Variants in FBN1 observed in about 807,000 individuals in gnomAD.
FBN1 encodes the protein fibrillin-1.
Under a neutral mutation model 365.1 loss-of-function variants are expected in FBN1, and 29 were observed. The observed-to-expected ratio is 0.08, with a 90% CI of 0.06 to 0.11. The LOEUF (loss-of-function observed/expected upper bound fraction) is 0.11. Among genes scored for constraint, FBN1 ranks in the 10% least tolerant of loss-of-function variants. The pLI, the probability that FBN1 is intolerant of heterozygous loss-of-function variation, is 1.00. For missense variants in FBN1, 2,476 were observed against 3,703.2 expected, an observed-to-expected ratio of 0.67 and a Z score of 8.60; for synonymous variants, 1,210 against 1,270.5, an observed-to-expected ratio of 0.95 and a Z score of 1.01.
intron 43 of FBN1, 78 bp from the exon 44 acceptor site, chr15:48,456,840 G>A (rs1484700714): frequency 4.6e-6 from 6 of 1,312,678 alleles, no homozygotes; most frequent in African/African-American, 1.8e-5. Flanking sequence ...TGGAAAGTGC[G>A]TGCGTGTGTG....
intron 8 of FBN1, among the ~76,000 whole-genome samples, chr15:48,526,654 G>A (rs1056674936): frequency 6.6e-6 from 1 of 151,824 alleles, no homozygotes; most frequent in Non-Finnish European, 1.5e-5. Context: ...CACTTCTTGC[G>A]CTGCTTTTCA....
At position 48,409,916 on chromosome 15, in the gene FBN1, G is replaced by C. The variant is rs184921031; in HGVS notation, c.*1074C>G. ...CTTTCAATGGATAAAACAAGGGATC[G>C]ACTCATATGTTAAATTTTCTTCTAG... On this transcript the variant is annotated 3_prime_UTR_variant, in exon 66 of 66. Coordinates refer to ENST00000316623, the MANE Select transcript of FBN1 (RefSeq NM_000138.5). The C allele has an allele frequency of 6.6e-6, 1 of 152,302 alleles. No individual in the cohort carries two copies. Among genetic ancestry groups the C allele is most frequent in the Admixed American group, 6.5e-5 (1 of 15,286 alleles). The allele number at this position is 152,302 out of a possible 1,614,324, so 9.4% of individuals were successfully genotyped here.
At position 48,430,817 on chromosome 15, in the gene FBN1, C is replaced by CAAAA; in HGVS notation, c.6740-16_6740-15insTTTT. ...CTCATCCTCATCTGTAAAAAATGTACAATCACAAATTTGTCAAAGAAAATG... is the reference window on the plus strand; with the variant it reads ...CTCATCCTCATCTGTAAAAAATGTACAAAAAATCACAAATTTGTCAAAGAAAATG... On this transcript the variant is annotated splice_polypyrimidine_tract_variant and intron_variant, in intron 55 of 65. Coordinates refer to ENST00000316623, the MANE Select transcript of FBN1 (RefSeq NM_000138.5). 1.2e-6 allele frequency: 2 copies of CAAAA among 1,612,794 alleles called. No individual in the cohort carries two copies. Among genetic ancestry groups the CAAAA allele is most frequent in the Non-Finnish European group, 1.7e-6 (2 of 1,179,434 alleles).
intron 4 of FBN1, among the ~76,000 whole-genome samples, chr15:48,601,872 TG>T (rs1196223444): frequency 6.6e-6 from 1 of 152,228 alleles, no homozygotes; most frequent in Non-Finnish European, 1.5e-5. Flanking sequence ...CTGTTTCTAC[TG>T]AACTAGAGCC....
intron 3 of FBN1, among the ~76,000 whole-genome samples, chr15:48,611,554 C>G (rs2044656283): frequency 6.6e-6 from 1 of 152,186 alleles, no homozygotes; most frequent in South Asian, 2.1e-4. Flanking sequence ...ACCACCGCGT[C>G]CAGCCTATTG....
chr15:48,491,453 C>A (rs2043557761), intron 24 of FBN1, among the ~76,000 whole-genome samples: 1 of 151,998 alleles, frequency 6.6e-6, no homozygotes, highest in Non-Finnish European at 1.5e-5. Flanking sequence ...CGGGTTCATG[C>A]CATTCTCCTG....
At chr15:48,533,227 G>A (rs1296259440) in intron 8 of FBN1, among the ~76,000 whole-genome samples, 1 of 152,164 alleles carries the variant, frequency 6.6e-6, no homozygotes, top group African/African-American at 2.4e-5. Context: ...CTCAAGGTGG[G>A]GTGAGTTGAG....
intron 10 of FBN1, among the ~76,000 whole-genome samples, chr15:48,517,345 CAA>C (rs1486445157): frequency 1.3e-5 from 2 of 152,030 alleles, no homozygotes; most frequent in Non-Finnish European, 2.9e-5. Context: ...GAAGGGAGTG[CAA>C]AGACAGAACC....
intron 9 of FBN1, among the ~76,000 whole-genome samples, chr15:48,525,516 G>A (rs915694281): frequency 2.0e-5 from 3 of 152,194 alleles, no homozygotes; most frequent in Admixed American, 2.0e-4. Context: ...GGGGACAAGA[G>A]CCCTTTCCAC....
intron 4 of FBN1, among the ~76,000 whole-genome samples, chr15:48,603,176 G>A (rs1207094831): frequency 6.6e-6 from 1 of 152,144 alleles, no homozygotes; most frequent in East Asian, 1.9e-4. Flanking sequence ...TTTTTACCCT[G>A]TCTTTCAGGC....
At chr15:48,502,179 C>A (rs61048588) in intron 17 of FBN1, among the ~76,000 whole-genome samples, 1,881 of 152,228 alleles carry the variant, frequency 0.012, 40 homozygotes, top group African/African-American at 0.043. Flanking sequence ...TAGGCGCGCA[C>A]CACCACGCAT....
intron 6 of FBN1, among the ~76,000 whole-genome samples, chr15:48,574,797 A>G (rs1199389852): frequency 6.6e-6 from 1 of 152,206 alleles, no homozygotes; most frequent in African/African-American, 2.4e-5. Flanking sequence ...GGAGGCTTCC[A>G]TTTGGAAACT....
At chr15:48,499,109 C>G in intron 17 of FBN1, 71 bp from the exon 18 acceptor site, 1 of 1,470,298 alleles carries the variant, frequency 6.8e-7, no homozygotes, top group Non-Finnish European at 9.5e-7. Flanking sequence ...CTTGGTTTTG[C>G]ACACATCATT....
intron 8 of FBN1, among the ~76,000 whole-genome samples, chr15:48,526,975 C>T (rs1257921102): frequency 6.6e-6 from 1 of 152,226 alleles, no homozygotes; most frequent in East Asian, 1.9e-4. Flanking sequence ...AGGCACCCGA[C>T]ACCCAATAAG....
intron 6 of FBN1, among the ~76,000 whole-genome samples, chr15:48,547,050 T>C (rs2044099202): frequency 6.6e-6 from 1 of 152,102 alleles, no homozygotes; most frequent in African/African-American, 2.4e-5. Flanking sequence ...TGTCCCTAAA[T>C]AAAATCATAT....
chr15:48,512,031 C>T (rs1026858076), intron 13 of FBN1, among the ~76,000 whole-genome samples: 8 of 152,182 alleles, frequency 5.3e-5, no homozygotes, highest in Non-Finnish European at 1.2e-4. Flanking sequence ...CGTGTTCAAC[C>T]TATCCATATT....
At chr15:48,549,270 G>A (rs2044122737) in intron 6 of FBN1, among the ~76,000 whole-genome samples, 2 of 152,220 alleles carry the variant, frequency 1.3e-5, no homozygotes, top group African/African-American at 4.8e-5. Context: ...ACAATTAAGT[G>A]AGCAATCACA....
chr15:48,417,686 C>T (rs942327031), intron 63 of FBN1, among the ~76,000 whole-genome samples: 53 of 152,138 alleles, frequency 3.5e-4, no homozygotes, highest in African/African-American at 1.2e-3. Context: ...GTGCTCAACA[C>T]GTTATCTGTG....
intron 6 of FBN1, among the ~76,000 whole-genome samples, chr15:48,579,982 A>G (rs1180776358): frequency 6.6e-6 from 1 of 152,206 alleles, no homozygotes; most frequent in African/African-American, 2.4e-5. Context: ...TTGAAATTGA[A>G]GGGACACAGT....
Sources: allele counts gnomAD v4.1 joint callset (sites outside exome capture counted in the v4.1 genomes callset), GRCh38; gene constraint gnomAD v4.1.1; transcripts MANE v1.5; gene names NCBI Gene and HGNC (gene_info 2026-07-23, HGNC 2026-07-21).